The following ZNF717 variants were observed in gnomAD, a reference collection of about 807,000 sequenced individuals.
The protein encoded by ZNF717 is krueppel-like factor X17.
Under a neutral mutation model 13.8 loss-of-function variants are expected in ZNF717, and 9 were observed. That is an observed-to-expected ratio of 0.65 (90% CI 0.39 to 1.14). ZNF717 has a LOEUF of 1.14. ZNF717 is among the 50% of genes most tolerant of loss of function. The pLI, the probability that ZNF717 is intolerant of heterozygous loss-of-function variation, is 0.01. For missense variants in ZNF717, 1,040 were observed against 1,080.7 expected (o/e 0.96, Z 0.53); for synonymous variants, 327 against 364.1 (o/e 0.90, Z 1.16).
At chr3:75,766,225 C>G (rs1258621233) in intron 2 of ZNF717, among the ~76,000 whole-genome samples, 3 of 151,968 alleles carry the variant, frequency 2.0e-5, no homozygotes, top group Non-Finnish European at 4.4e-5. Context: ...CAGAGACTGC[C>G]AGACCTGAGA....
At chr3:75,698,207 T>A (rs77906653) in intron 6 of ZNF717, among the ~76,000 whole-genome samples, 1 of 152,206 alleles carries the variant, frequency 6.6e-6, no homozygotes, top group African/African-American at 2.4e-5. Flanking sequence ...TGTAAAAGCT[T>A]GAAAACTTTG....
At chr3:75,776,552 T>C (rs1333864251) in intron 2 of ZNF717, among the ~76,000 whole-genome samples, 3 of 152,236 alleles carry the variant, frequency 2.0e-5, no homozygotes, top group Non-Finnish European at 2.9e-5. Flanking sequence ...CTTCACAATC[T>C]AGAATCTGAT....
chr3:75,764,952 C>T (rs1943318763), intron 2 of ZNF717, among the ~76,000 whole-genome samples: 2 of 145,096 alleles, frequency 1.4e-5, no homozygotes, highest in South Asian at 2.2e-4. Context: ...GTGGAAGAAA[C>T]CAAAACGTCC....
At chr3:75,747,882 CA>C (rs1236264021) in intron 2 of ZNF717, among the ~76,000 whole-genome samples, 1 of 151,706 alleles carries the variant, frequency 6.6e-6, no homozygotes, top group Non-Finnish European at 1.5e-5. Flanking sequence ...AAAAACCCTT[CA>C]AAAAATCAAT....
chr3:75,753,607 T>C (rs1338037660), intron 2 of ZNF717, among the ~76,000 whole-genome samples: 1 of 147,252 alleles, frequency 6.8e-6, no homozygotes, highest in African/African-American at 2.6e-5. Context: ...GTCCTTCACA[T>C]AGGATTCCTG....
downstream of ZNF717, among the ~76,000 whole-genome samples, chr3:75,708,195 C>T (rs1304849254): frequency 1.3e-5 from 2 of 151,698 alleles, no homozygotes; most frequent in Non-Finnish European, 3.0e-5. Context: ...CTGGGAGGCA[C>T]CCCCCAGTAG....
intron 4 of ZNF717, among the ~76,000 whole-genome samples, chr3:75,724,792 G>A (rs1354919443): frequency 8.8e-5 from 4 of 45,466 alleles, no homozygotes; most frequent in Non-Finnish European, 1.5e-4. Flanking sequence ...CACCAAAGCA[G>A]AGAACAAAAA....
intron 2 of ZNF717, among the ~76,000 whole-genome samples, chr3:75,744,698 C>T (rs1229668129): frequency 6.6e-6 from 1 of 152,136 alleles, no homozygotes; most frequent in Non-Finnish European, 1.5e-5. Flanking sequence ...TGGAGCTTCA[C>T]CAGGCTCCTG....
chr3:75,741,892 C>G, intron 2 of ZNF717, 156 bp from the exon 3 acceptor site: 1 of 948,572 alleles, frequency 1.1e-6, no homozygotes. Context: ...TTCCTCAAGT[C>G]AAAGCATCAG....
intron 6 of ZNF717, among the ~76,000 whole-genome samples, chr3:75,696,571 A>G (rs1937605205): frequency 1.3e-5 from 2 of 152,298 alleles, no homozygotes; most frequent in African/African-American, 2.4e-5. Context: ...TTCAACATGC[A>G]AATCAATCAA....
At chr3:75,723,019 G>A (rs1427740251) in intron 4 of ZNF717, among the ~76,000 whole-genome samples, 1 of 151,920 alleles carries the variant, frequency 6.6e-6, no homozygotes, top group Non-Finnish European at 1.5e-5. Context: ...CATGGCCATT[G>A]GGAAAATATT....
intron 2 of ZNF717, among the ~76,000 whole-genome samples, chr3:75,761,354 G>C (rs1392545383): frequency 1.3e-5 from 2 of 152,250 alleles, no homozygotes; most frequent in Non-Finnish European, 2.9e-5. Context: ...AACACTCAAA[G>C]AATTAGTAAT....
At chr3:75,746,855 C>T (rs1395182641) in intron 2 of ZNF717, among the ~76,000 whole-genome samples, 1 of 152,194 alleles carries the variant, frequency 6.6e-6, no homozygotes, top group Non-Finnish European at 1.5e-5. Flanking sequence ...TGAGCAAAAG[C>T]TCGTTAGTTT....
At chr3:75,709,054 G>A (rs1201359594), downstream of ZNF717, among the ~76,000 whole-genome samples, 3 of 151,046 alleles carry the variant, frequency 2.0e-5, no homozygotes, top group Non-Finnish European at 2.9e-5. Flanking sequence ...AGGCTGGAGT[G>A]CAGTGGTGTG....
intron 4 of ZNF717, among the ~76,000 whole-genome samples, chr3:75,722,691 G>A (rs1383172284): frequency 2.8e-4 from 41 of 148,964 alleles, no homozygotes; most frequent in Non-Finnish European, 4.4e-4. Context: ...GTGAGTGCCT[G>A]TAATCCCAGC....
chr3:75,725,443 A>G (rs1401597882), downstream of ZNF717, among the ~76,000 whole-genome samples: 1 of 152,330 alleles, frequency 6.6e-6, no homozygotes, highest in East Asian at 1.9e-4. Flanking sequence ...AAATCTTTCA[A>G]TTTTCCTGAA....
intron 2 of ZNF717, among the ~76,000 whole-genome samples, chr3:75,761,850 C>T (rs1460822715): frequency 6.6e-6 from 1 of 152,208 alleles, no homozygotes; most frequent in Non-Finnish European, 1.5e-5. Context: ...CCAGCTGGGC[C>T]AACCCCATCT....
chr3:75,779,013 G>T (rs577127499), intron 2 of ZNF717, among the ~76,000 whole-genome samples: 1 of 149,362 alleles, frequency 6.7e-6, no homozygotes, highest in East Asian at 2.0e-4. Context: ...TGGGAGTGAG[G>T]TGCTAAAACC....
intron 5 of ZNF717, among the ~76,000 whole-genome samples, chr3:75,714,367 G>A (rs1331102561): frequency 7.3e-5 from 11 of 151,686 alleles, no homozygotes; most frequent in African/African-American, 2.7e-4. Context: ...AGGAGCCCTT[G>A]TCTTCTGGTA....
Sources: allele counts gnomAD v4.1 joint callset (sites outside exome capture counted in the v4.1 genomes callset), GRCh38; gene constraint gnomAD v4.1.1; transcripts MANE v1.5; gene names NCBI Gene and HGNC (gene_info 2026-07-23, HGNC 2026-07-21).